The following MICAL2 variants were observed in gnomAD, a reference collection of about 807,000 sequenced individuals.
MICAL2 encodes the protein [F-actin]-monooxygenase MICAL2.
A neutral mutation model predicts 127.3 loss-of-function variants in MICAL2; 77 were observed. That is an observed-to-expected ratio of 0.60 (90% CI 0.50 to 0.73). The LOEUF (loss-of-function observed/expected upper bound fraction) is 0.73, where lower values mean the gene tolerates loss of function less well. MICAL2 is among the 30% of genes least tolerant of loss of function. The pLI is 0.00. For missense variants in MICAL2, 1,351 were observed against 1,434.4 expected, an observed-to-expected ratio of 0.94 and a Z score of 0.94; for synonymous variants, 570 against 551.1, an observed-to-expected ratio of 1.03 and a Z score of -0.48.
At chr11:12,307,719 T>C (rs932589598) in intron 29 of MICAL2, among the ~76,000 whole-genome samples, 1 of 152,236 alleles carries the variant, frequency 6.6e-6, no homozygotes, top group Non-Finnish European at 1.5e-5. Context: ...TTAAAGACTG[T>C]TCTTTCCCCA....
intron 29 of MICAL2, among the ~76,000 whole-genome samples, chr11:12,307,077 A>C (rs1258604473): frequency 6.6e-6 from 1 of 152,186 alleles, no homozygotes; most frequent in Non-Finnish European, 1.5e-5. Flanking sequence ...CATGCACAAG[A>C]GTTTCGGTTA....
chr11:12,203,363 C>T (rs1045353738), intron 3 of MICAL2, among the ~76,000 whole-genome samples: 2 of 152,144 alleles, frequency 1.3e-5, no homozygotes, highest in African/African-American at 4.8e-5. Flanking sequence ...GTATCTGCAC[C>T]AATTTATTTT....
chr11:12,321,403 C>T (rs1279154390), intron 30 of MICAL2, among the ~76,000 whole-genome samples: 1 of 152,152 alleles, frequency 6.6e-6, no homozygotes, highest in Non-Finnish European at 1.5e-5. Context: ...TCAAATGAAC[C>T]TTTGCACAGG....
intron 4 of MICAL2, among the ~76,000 whole-genome samples, chr11:12,204,867 C>T (rs1190909655): frequency 2.6e-5 from 4 of 152,190 alleles, no homozygotes; most frequent in African/African-American, 7.2e-5. Flanking sequence ...GGGTTAGTCA[C>T]ACTTGCTAAA....
At chr11:12,152,030 G>A (rs926034187) in intron 2 of MICAL2, among the ~76,000 whole-genome samples, 1 of 151,816 alleles carries the variant, frequency 6.6e-6, no homozygotes, top group South Asian at 2.1e-4. Context: ...GCTCATGCCT[G>A]TAATTCCAGC....
At chr11:12,223,368 T>A (rs774593398) in intron 11 of MICAL2, 43 bp from the exon 12 acceptor site, 1 of 1,563,320 alleles carries the variant, frequency 6.4e-7, no homozygotes, top group African/African-American at 1.4e-5. Context: ...AGACTAGGAT[T>A]TGGGGGAAAA....
At chr11:12,276,383 G>A (rs997818913) in intron 1 of MICAL2, 37 of 383,882 alleles carry the variant, frequency 9.6e-5, no homozygotes, top group Admixed American at 4.0e-4. Context: ...GTGCCCACAC[G>A]TCATAAGCAC....
chr11:12,118,565 T>C (rs940343024), intron 1 of MICAL2, among the ~76,000 whole-genome samples: 6 of 152,134 alleles, frequency 3.9e-5, no homozygotes, highest in African/African-American at 1.4e-4. Flanking sequence ...CTTTGCCAGC[T>C]CTCTCCTTTA....
intron 13 of MICAL2, 96 bp downstream of exon 13, chr11:12,224,916 T>C (rs1857236856): frequency 7.1e-7 from 1 of 1,414,022 alleles, no homozygotes; most frequent in Non-Finnish European, 9.6e-7. Flanking sequence ...ATATTTCTCT[T>C]TCTGTGTTTC....
At position 12,259,806 on chromosome 11, in the gene MICAL2, A is replaced by G. The variant is rs1027334; in HGVS notation, c.3243A>G (p.Thr1081=). Residue 1081 remains threonine, a synonymous_variant, in exon 26 of 28, where the codon ACA becomes ACG. Transcript: ENST00000683283. ...ELKQQREEEA[T]WQEQEAPRRD... Reference sequence around the variant, plus strand: ...CATCTCTTTCTCAGGAGGAGGCAACATGGCAAGAGCAGGAAGCCCCTCGGA... The same window carrying G: ...CATCTCTTTCTCAGGAGGAGGCAACGTGGCAAGAGCAGGAAGCCCCTCGGA... 4.9e-3 allele frequency: 7,603 copies of G among 1,545,934 alleles called. 277 individuals carry two copies. In the African/African-American group the frequency reaches 0.082, roughly 17 times the overall value.
intron 1 of MICAL2, among the ~76,000 whole-genome samples, chr11:12,277,064 G>T (rs137966109): frequency 6.6e-6 from 1 of 152,036 alleles, no homozygotes; most frequent in Admixed American, 6.6e-5. Context: ...GTGTAAAAAA[G>T]TAGACCGGAG....
In MICAL2 at chr11:12,239,471, T is replaced by G; in HGVS notation, c.2100T>G (p.Asn700Lys). Residue 700 changes from asparagine (N) to lysine (K), a missense_variant, in exon 17 of 28, where the codon AAT becomes AAG. Physicochemically the swap from Asn to Lys is moderately conservative, Grantham distance 94. This residue lies in a region of MICAL2 where 752 missense variants were observed against 719.4 expected (regional missense o/e 1.05). Transcript: ENST00000683283. ...SNFSSRSLGS[N>K]QECGSSKEGG... is the part of the protein sequence containing the mutation. ...TTTCCAGCCGTAGCTTGGGCTCCAA[T>G]CAAGAGTGTGGGAGCAGTAAGGAAG... 6.2e-7 allele frequency: 1 copy of G among 1,614,156 alleles called. No homozygotes were observed. Among genetic ancestry groups the G allele is most frequent in the Non-Finnish European group, 8.5e-7 (1 of 1,180,026 alleles).
At position 12,298,715 on chromosome 11, in the gene MICAL2, T is replaced by C. The variant is rs1234518470; in HGVS notation, c.5212+3858T>C. On this transcript the variant is annotated intron_variant, in intron 29 of 34. Transcript: ENST00000646065. ...TTTTTAATCACAGATGGATGTTGAA[T>C]TTCATCAAATGTCTTTTCAGCATCT... Among the ~76,000 whole-genome samples, 6 of 152,286 alleles carry C rather than the reference T, an allele frequency of 3.9e-5. 1 individual carries two copies. The East Asian group carries it at 1.2e-3, about 29-fold the overall frequency.
intron 30 of MICAL2, chr11:12,319,940 A>G (rs1864274129): frequency 3.0e-6 from 2 of 667,072 alleles, no homozygotes; most frequent in South Asian, 3.8e-5. Flanking sequence ...TGCATCTGAC[A>G]GAGTGCTCTC....
intron 6 of MICAL2, 133 bp from the exon 7 acceptor site, chr11:12,213,122 C>A: frequency 1.9e-6 from 2 of 1,041,306 alleles, no homozygotes; most frequent in Non-Finnish European, 2.8e-6. Context: ...CTGCCCGCTC[C>A]TGTCCACTAG....
intron 34 of MICAL2, chr11:12,358,232 T>C (rs1469230053): frequency 2.0e-6 from 3 of 1,507,678 alleles, no homozygotes; most frequent in Non-Finnish European, 2.7e-6. Context: ...AGAATGTCCA[T>C]GCCAAGAACT....
At chr11:12,323,647 C>A (rs1864324846) in intron 30 of MICAL2, among the ~76,000 whole-genome samples, 1 of 152,200 alleles carries the variant, frequency 6.6e-6, no homozygotes, top group Non-Finnish European at 1.5e-5. Context: ...CACATAGCAG[C>A]TTCCCAATCC....
At chr11:12,165,151 A>G (rs1470653751) in intron 3 of MICAL2, among the ~76,000 whole-genome samples, 6 of 128,336 alleles carry the variant, frequency 4.7e-5, no homozygotes, top group Admixed American at 3.6e-4. Context: ...AAAAAAAAAA[A>G]AAAAGAAAAG....
At chr11:12,122,447 C>T (rs979709992) in intron 1 of MICAL2, among the ~76,000 whole-genome samples, 42 of 152,290 alleles carry the variant, frequency 2.8e-4, no homozygotes, top group African/African-American at 9.4e-4. Context: ...AGTCTCACTC[C>T]GTCACCCAGG....
Sources: gnomAD v4.1 joint callset for allele counts (sites outside exome capture counted in the v4.1 genomes callset) on GRCh38, gnomAD v4.1.1 for gene constraint, gnomAD v4.1.1 regional missense constraint, MANE v1.5 for transcripts, NCBI Gene and HGNC (gene_info 2026-07-23, HGNC 2026-07-21) for gene names.